The following ARMC10 variants were observed in gnomAD, a reference collection of about 807,000 sequenced individuals.
ARMC10 encodes armadillo repeat-containing protein 10.
A neutral mutation model predicts 30.2 loss-of-function variants in ARMC10; 23 were observed. The observed-to-expected ratio is 0.76, with a 90% CI of 0.55 to 1.08. ARMC10 has a LOEUF of 1.08. ARMC10 is among the 50% of genes least tolerant of loss of function. The pLI is 0.00. For missense variants in ARMC10, 303 were observed against 413.7 expected (o/e 0.73, Z 2.32); for synonymous variants, 111 against 164.4 (o/e 0.68, Z 2.48).
At chr7:103,076,156 G>A (rs1799784758) in intron 2 of ARMC10, among the ~76,000 whole-genome samples, 7 of 152,152 alleles carry the variant, frequency 4.6e-5, no homozygotes, top group Admixed American at 4.6e-4. Context: ...TTTGCTAATG[G>A]GATAGCAGGA....
chr7:103,076,023 G>A (rs1361998163), intron 2 of ARMC10, 142 bp downstream of exon 2: 3 of 541,576 alleles, frequency 5.5e-6, no homozygotes, highest in Non-Finnish European at 9.2e-6. Flanking sequence ...GAAGCTGTTA[G>A]GGAAATAATT....
intron 5 of ARMC10, among the ~76,000 whole-genome samples, chr7:103,094,690 T>C (rs1342115894): frequency 6.6e-6 from 1 of 152,220 alleles, no homozygotes; most frequent in Non-Finnish European, 1.5e-5. Context: ...GTGTTGCTGA[T>C]AGTCAGTCAG....
Position 103,099,731 on chromosome 7 carries a change from TC to T in ARMC10, c.*1179del, listed in dbSNP as rs1183496606. On this transcript the variant is annotated 3_prime_UTR_variant, in exon 7 of 7. Transcript: ENST00000323716. ...TTTAATATGAGCCCAAATTGTATAA[TC>T]TTTTTTTAATAAAGGGGAGAAAAAT... is the stretch of plus-strand genomic sequence containing the variant. The T allele has an allele frequency of 2.0e-5, 3 of 152,026 alleles. No individual in the cohort carries two copies. The highest frequency in any genetic ancestry group is 6.6e-5 in the Admixed American group (1 of 15,246). The allele number at this position is 152,026 out of a possible 1,614,324, so 9.4% of individuals were successfully genotyped here. A position where few individuals can be genotyped will look rare whatever the true frequency, so the allele number is the denominator to read the frequency against.
intron 2 of ARMC10, among the ~76,000 whole-genome samples, chr7:103,078,448 T>C (rs1800090281): frequency 6.6e-6 from 1 of 152,216 alleles, no homozygotes; most frequent in South Asian, 2.1e-4. Flanking sequence ...TCCTTCTCTT[T>C]CCTGCTGCCT....
At chr7:103,077,918 C>G (rs1179008008) in intron 2 of ARMC10, among the ~76,000 whole-genome samples, 4 of 152,296 alleles carry the variant, frequency 2.6e-5, no homozygotes, top group African/African-American at 4.8e-5. Flanking sequence ...GAAGCTACTC[C>G]TTTATCATTG....
chr7:103,080,838 A>G (rs1800316993), intron 2 of ARMC10, among the ~76,000 whole-genome samples: 2 of 151,576 alleles, frequency 1.3e-5, no homozygotes, highest in Non-Finnish European at 2.9e-5. Flanking sequence ...ATCTTGGCCA[A>G]GCTGGTCTTG....
chr7:103,083,486 T>G (rs1800568354), intron 2 of ARMC10, among the ~76,000 whole-genome samples, 196 bp from the exon 3 acceptor site: 1 of 152,040 alleles, frequency 6.6e-6, no homozygotes, highest in Non-Finnish European at 1.5e-5. Flanking sequence ...CCGGGTGTGG[T>G]GCATGTGCTA....
chr7:103,094,455 A>G (rs1186583044), intron 5 of ARMC10, among the ~76,000 whole-genome samples: 1 of 152,264 alleles, frequency 6.6e-6, no homozygotes, highest in African/African-American at 2.4e-5. Context: ...TACAAAGAAT[A>G]GCAACATCAG....
At chr7:103,076,738 G>C (rs542569031) in intron 2 of ARMC10, among the ~76,000 whole-genome samples, 1 of 152,268 alleles carries the variant, frequency 6.6e-6, no homozygotes, top group African/African-American at 2.4e-5. Flanking sequence ...AGGAGGCTGA[G>C]GCAGGAGAAT....
At chr7:103,083,335 A>G (rs1800553808) in intron 2 of ARMC10, among the ~76,000 whole-genome samples, 1 of 152,228 alleles carries the variant, frequency 6.6e-6, no homozygotes, top group Non-Finnish European at 1.5e-5. Flanking sequence ...TTTTAAAAAA[A>G]CAGGCTGGGC....
At position 103,097,168 on chromosome 7, in the gene ARMC10, G is replaced by A. The variant is rs878991355; in HGVS notation, c.706-109G>A. On this transcript the variant is annotated intron_variant, in intron 5 of 6. Coordinates refer to ENST00000323716, the MANE Select transcript of ARMC10 (RefSeq NM_031905.5). ...AGTAGAGAGAATTTGAGCCAGGCCT[G>A]GAAGCTTAGGCAGGACTTTAACAGG... 14 of 894,522 alleles carry A rather than the reference G, an allele frequency of 1.6e-5. No homozygotes were observed. The South Asian group carries it at 1.9e-4, about 12-fold the overall frequency. 55.4% of individuals were successfully genotyped at this position (894,522 alleles called of 1,614,324 possible). A position where few individuals can be genotyped will look rare whatever the true frequency, so the allele number is the denominator to read the frequency against.
intron 6 of ARMC10, among the ~76,000 whole-genome samples, chr7:103,098,077 A>G (rs1307068512): frequency 2.0e-5 from 3 of 152,126 alleles, no homozygotes; most frequent in African/African-American, 7.2e-5. Flanking sequence ...CCTTTTTTCC[A>G]TTAGTATTAC....
At position 103,098,405 on chromosome 7, in the gene ARMC10, G is replaced by A; in HGVS notation, c.884G>A (p.Gly295Asp). The change falls in exon 7 of 7, where the codon GGC (glycine) becomes GAC (aspartate). Residue 295 changes from glycine to aspartate, a missense_variant. Physicochemically the swap from Gly to Asp is moderately conservative, Grantham distance 94 (BLOSUM62 -1). Transcript: ENST00000323716. ...QNIKNCLKIE[G>D]HLAVQPTFTE... ...ATAAAGAACTGCCTCAAAATAGAAG[G>A]CCATTTAGCTGTGCAGCCTACTTTC... 6.2e-7 allele frequency: 1 copy of A among 1,613,876 alleles called. No homozygotes were observed. The highest frequency in any genetic ancestry group is 1.1e-5 in the South Asian group (1 of 91,024).
intron 5 of ARMC10, 62 bp downstream of exon 5, chr7:103,092,715 T>C: frequency 8.0e-7 from 1 of 1,256,142 alleles, no homozygotes. Flanking sequence ...GCCACCTATC[T>C]TAAGTTGATG....
At position 103,075,207 on chromosome 7, in the gene ARMC10, C is replaced by T. The variant is rs550729212; in HGVS notation, c.-66C>T. 1 of 1,105,170 alleles carries T rather than the reference C, an allele frequency of 9.0e-7. No individual in the cohort carries two copies. The highest frequency in any genetic ancestry group is 1.1e-6 in the Non-Finnish European group (1 of 903,202). 68.5% of individuals were successfully genotyped at this position (1,105,170 alleles called of 1,614,324 possible). A position where few individuals can be genotyped will look rare whatever the true frequency, so the allele number is the denominator to read the frequency against. ...CGGCTAGGCCCGCGTGCGCTGGAGA[C>T]CTCCGCGCTGGCCCCCGCGAGCCTC... On this transcript the variant is annotated 5_prime_UTR_variant, in exon 1 of 7. Coordinates refer to ENST00000323716, the MANE Select transcript of ARMC10 (RefSeq NM_031905.5).
intron 3 of ARMC10, among the ~76,000 whole-genome samples, chr7:103,086,031 A>G (rs1206606329): frequency 2.0e-5 from 3 of 152,118 alleles, no homozygotes; most frequent in Non-Finnish European, 2.9e-5. Flanking sequence ...TAGACATACT[A>G]TCGTCAACAC....
At chr7:103,078,392 A>G (rs1170815259) in intron 2 of ARMC10, among the ~76,000 whole-genome samples, 1 of 152,188 alleles carries the variant, frequency 6.6e-6, no homozygotes, top group Non-Finnish European at 1.5e-5. Context: ...GATAGTTCTC[A>G]GGAGATCTGA....
intron 4 of ARMC10, among the ~76,000 whole-genome samples, chr7:103,090,368 A>G (rs1203124257): frequency 6.6e-6 from 1 of 152,212 alleles, no homozygotes; most frequent in Non-Finnish European, 1.5e-5. Flanking sequence ...TTGACTTTCA[A>G]ATGTAAATTA....
Position 103,098,408 on chromosome 7 carries a change from A to T in ARMC10, c.887A>T (p.His296Leu), listed in dbSNP as rs754378873. 1 of 1,613,976 alleles carries T rather than the reference A, an allele frequency of 6.2e-7. No homozygotes were observed. Among genetic ancestry groups the T allele is most frequent in the Non-Finnish European group, 8.5e-7 (1 of 1,179,958 alleles). ...AAGAACTGCCTCAAAATAGAAGGCC[A>T]TTTAGCTGTGCAGCCTACTTTCACT... ...NIKNCLKIEG[H>L]LAVQPTFTEG... The change falls in exon 7 of 7, where the codon CAT (histidine) becomes CTT (leucine). Residue 296 changes from histidine to leucine, a missense_variant. Physicochemically the swap from His to Leu is moderately conservative, Grantham distance 99. Coordinates refer to ENST00000323716, the MANE Select transcript of ARMC10 (RefSeq NM_031905.5).
Sources: allele counts gnomAD v4.1 joint callset (sites outside exome capture counted in the v4.1 genomes callset), GRCh38; gene constraint gnomAD v4.1.1; transcripts MANE v1.5; gene names NCBI Gene and HGNC (gene_info 2026-07-23, HGNC 2026-07-21).